OR51B5: variants seen among roughly 807,000 people sequenced by gnomAD.
OR51B5 encodes the protein olfactory receptor 51B5.
For synonymous variants in OR51B5, 186 were observed against 144.8 expected (o/e 1.28, Z -2.04); for missense variants, 456 against 374.6 (o/e 1.22, Z -1.79).
At chr11:5,505,061 T>C (rs1331173388) in intron 1 of OR51B5, among the ~76,000 whole-genome samples, 1 of 152,268 alleles carries the variant, frequency 6.6e-6, no homozygotes, top group African/African-American at 2.4e-5. Context: ...AGGTTTTCTT[T>C]GGCCCAGATG....
At chr11:5,477,768 C>T (rs540660804) in intron 1 of OR51B5, among the ~76,000 whole-genome samples, 11 of 152,298 alleles carry the variant, frequency 7.2e-5, no homozygotes, top group African/African-American at 2.4e-4. Flanking sequence ...CCTGGAAAAT[C>T]GGGTCACTCC....
chr11:5,371,939 CTA>C (rs1470005741), intron 1 of OR51B5, among the ~76,000 whole-genome samples: 1 of 152,030 alleles, frequency 6.6e-6, no homozygotes, highest in Non-Finnish European at 1.5e-5. Flanking sequence ...TACACTGTTT[CTA>C]TGCATTTGAC....
At chr11:5,390,635 G>T (rs924493777) in intron 1 of OR51B5, 1 of 416,116 alleles carries the variant, frequency 2.4e-6, no homozygotes, top group South Asian at 6.4e-5. Flanking sequence ...CTTTATTGAA[G>T]GTCATCATCA....
chr11:5,504,956 C>T (rs887588398), intron 1 of OR51B5, among the ~76,000 whole-genome samples: 2 of 152,152 alleles, frequency 1.3e-5, no homozygotes, highest in African/African-American at 2.4e-5. Context: ...GAGAATTATC[C>T]ACTAAATGAA....
chr11:5,375,118 G>C (rs955330545), intron 1 of OR51B5, among the ~76,000 whole-genome samples: 1 of 149,402 alleles, frequency 6.7e-6, no homozygotes, highest in Non-Finnish European at 1.5e-5. Flanking sequence ...AAGCCCATCA[G>C]ACTAACAGCA....
At chr11:5,348,551 C>T (rs965050913) in intron 1 of OR51B5, among the ~76,000 whole-genome samples, 3 of 152,110 alleles carry the variant, frequency 2.0e-5, no homozygotes, top group East Asian at 1.9e-4. Context: ...TTGGACGGAG[C>T]TTGGGTTATG....
chr11:5,505,458 G>A (rs1590034771), intron 1 of OR51B5: 4 of 1,302,464 alleles, frequency 3.1e-6, no homozygotes, highest in Non-Finnish European at 4.0e-6. Context: ...ATCCCCTAAT[G>A]GGGAGTGGAG....
At chr11:5,410,356 A>G (rs1850127912) in intron 1 of OR51B5, among the ~76,000 whole-genome samples, 1 of 152,184 alleles carries the variant, frequency 6.6e-6, no homozygotes, top group Admixed American at 6.5e-5. Context: ...GCTTCTATCT[A>G]GCATTACTGG....
chr11:5,485,450 G>A (rs1851485221), intron 1 of OR51B5, among the ~76,000 whole-genome samples: 1 of 152,162 alleles, frequency 6.6e-6, no homozygotes. Flanking sequence ...GCACCTGATG[G>A]ACTCTGCTTG....
chr11:5,347,695 A>T (rs1454331805), upstream of OR51B5, among the ~76,000 whole-genome samples: 1 of 152,116 alleles, frequency 6.6e-6, no homozygotes, highest in African/African-American at 2.4e-5. Context: ...AGAGATCTTG[A>T]GTTGTGCTGT....
At chr11:5,370,950 A>G (rs140655171) in intron 1 of OR51B5, among the ~76,000 whole-genome samples, 50 of 152,334 alleles carry the variant, frequency 3.3e-4, no homozygotes, top group African/African-American at 1.1e-3. Flanking sequence ...CTCTGGTTCA[A>G]TGAGCAGACA....
intron 1 of OR51B5, chr11:5,453,389 T>A: frequency 3.8e-6 from 3 of 795,226 alleles, no homozygotes; most frequent in Non-Finnish European, 5.7e-6. Flanking sequence ...CATCGCTTTG[T>A]CTCTTATCTC....
chr11:5,381,201 C>T (rs941721334), intron 1 of OR51B5, among the ~76,000 whole-genome samples: 1 of 147,792 alleles, frequency 6.8e-6, no homozygotes, highest in African/African-American at 2.5e-5. Flanking sequence ...ATATTACATG[C>T]AATGAAAACC....
intron 1 of OR51B5, among the ~76,000 whole-genome samples, chr11:5,387,701 G>T (rs1481861305): frequency 7.0e-6 from 1 of 143,676 alleles, no homozygotes; most frequent in African/African-American, 2.6e-5. Context: ...TCTGCTTCAG[G>T]AACTTTCACT....
chr11:5,427,899 TTAAATA>T (rs1850473414), intron 1 of OR51B5, among the ~76,000 whole-genome samples: 1 of 152,280 alleles, frequency 6.6e-6, no homozygotes, highest in African/African-American at 2.4e-5. Context: ...TAAAATAGTT[TTAAATA>T]TAAATATACA....
chr11:5,389,440 A>G (rs1849754364), intron 1 of OR51B5: 1 of 1,613,938 alleles, frequency 6.2e-7, no homozygotes, highest in East Asian at 2.2e-5. Flanking sequence ...TCATGCTGCT[A>G]TCCAACATTA....
chr11:5,477,924 G>A (rs1296070558), intron 1 of OR51B5, among the ~76,000 whole-genome samples: 2 of 151,870 alleles, frequency 1.3e-5, no homozygotes, highest in African/African-American at 4.8e-5. Flanking sequence ...AGGCAGCAGG[G>A]AGGCTGGGGA....
intron 1 of OR51B5, chr11:5,422,792 A>G (rs200551334): frequency 3.0e-5 from 49 of 1,614,006 alleles, no homozygotes; most frequent in Non-Finnish European, 4.1e-5. Flanking sequence ...CAGGCTCAAC[A>G]GCTGGTATGG....
intron 1 of OR51B5, among the ~76,000 whole-genome samples, chr11:5,481,680 T>C (rs10838195): frequency 0.13 from 12,210 of 93,312 alleles, 734 homozygotes; most frequent in East Asian, 0.22. Context: ...ACAAAATCAA[T>C]GTACAAAAAT....
Sources: gnomAD v4.1 joint callset for allele counts (sites outside exome capture counted in the v4.1 genomes callset) on GRCh38, gnomAD v4.1.1 for gene constraint, MANE v1.5 for transcripts, NCBI Gene and HGNC (gene_info 2026-07-23, HGNC 2026-07-21) for gene names.